The following STON1 variants were observed in gnomAD, a reference collection of about 807,000 sequenced individuals.
The protein encoded by STON1 is stonin 1.
STON1 carries 79 observed loss-of-function variants against 60.9 expected under a neutral mutation model. That is an observed-to-expected ratio of 1.30 (90% CI 1.08 to 1.56). STON1 has a LOEUF of 1.56. STON1 is among the 40% of genes most tolerant of loss of function. The pLI is 0.00. For synonymous variants in STON1, 363 were observed against 306.9 expected, an observed-to-expected ratio of 1.18 and a Z score of -1.91; for missense variants, 1,166 against 858.9, an observed-to-expected ratio of 1.36 and a Z score of -4.47.
Position 48,582,479 on chromosome 2 carries a change from C to G in STON1, c.1846C>G (p.Gln616Glu). 2.5e-6 allele frequency: 4 copies of G among 1,614,188 alleles called. No homozygotes were observed. The highest frequency in any genetic ancestry group is 2.2e-5 in the East Asian group (1 of 44,890). The stretch of plus-strand genomic sequence containing the variant: ...GGAACTTGAATCTGAACCTGTCATT[C>G]AAGTCACTGTGGGGTCAGCAAAATA... Reference protein sequence around the residue: ...LQELESEPVIQVTVGSAKYES... With the variant: ...LQELESEPVIEVTVGSAKYES... The change falls in exon 2 of 4, where the codon CAA (glutamine) becomes GAA (glutamate). Residue 616 changes from glutamine to glutamate, a missense_variant. Gln to Glu is a conservative substitution (Grantham distance 29). Transcript: ENST00000404752.
chr2:48,568,277 G>T (rs1011222800), intron 1 of STON1, among the ~76,000 whole-genome samples: 2 of 152,148 alleles, frequency 1.3e-5, no homozygotes, highest in Non-Finnish European at 2.9e-5. Flanking sequence ...ATTGGGGCGT[G>T]CTTTTCCCCA....
At chr2:48,593,797 A>G (rs1023342921) in intron 3 of STON1, among the ~76,000 whole-genome samples, 2 of 152,136 alleles carry the variant, frequency 1.3e-5, no homozygotes, top group African/African-American at 4.8e-5. Context: ...TTTATTTTGG[A>G]CTATCTGTTT....
At chr2:48,548,181 T>C (rs188895386) in intron 1 of STON1, among the ~76,000 whole-genome samples, 5 of 152,376 alleles carry the variant, frequency 3.3e-5, no homozygotes, top group African/African-American at 1.2e-4. Flanking sequence ...ACACAATTTT[T>C]ACAGGTAGTG....
intron 1 of STON1, among the ~76,000 whole-genome samples, chr2:48,578,514 C>G (rs1275967598): frequency 6.7e-6 from 1 of 149,234 alleles, no homozygotes; most frequent in East Asian, 2.0e-4. Context: ...TCTCCTCCTC[C>G]TTCTCCGCTT....
chr2:48,585,625 G>C (rs1674165265), intron 2 of STON1, among the ~76,000 whole-genome samples: 1 of 152,170 alleles, frequency 6.6e-6, no homozygotes, highest in Non-Finnish European at 1.5e-5. Flanking sequence ...CCAGTTTTAA[G>C]GTCTTCATAC....
intron 1 of STON1, among the ~76,000 whole-genome samples, chr2:48,554,647 G>A (rs1390108960): frequency 2.6e-5 from 4 of 151,938 alleles, no homozygotes; most frequent in Non-Finnish European, 5.9e-5. Flanking sequence ...GAAAATGTCA[G>A]TTGGCACATC....
At chr2:48,564,497 T>TCTCCTTCTC (rs1558605042) in intron 1 of STON1, among the ~76,000 whole-genome samples, 6 of 23,742 alleles carry the variant, frequency 2.5e-4, no homozygotes, top group Admixed American at 4.5e-4. Context: ...TTCTTCTTCT[T>TCTCCTTCTC]CTTCTTCTTC....
chr2:48,533,594 G>C (rs1347245087), intron 1 of STON1, among the ~76,000 whole-genome samples: 3 of 147,780 alleles, frequency 2.0e-5, no homozygotes, highest in African/African-American at 7.5e-5. Flanking sequence ...GGAGGCTGAA[G>C]CAGGTTGCAG....
chr2:48,561,400 G>T (rs374844520), intron 1 of STON1, among the ~76,000 whole-genome samples: 2 of 152,106 alleles, frequency 1.3e-5, no homozygotes, highest in Non-Finnish European at 2.9e-5. Flanking sequence ...ATACTATAGG[G>T]CAAAGTGCAG....
intron 1 of STON1, among the ~76,000 whole-genome samples, chr2:48,572,184 A>G (rs1006931760): frequency 1.3e-5 from 2 of 152,162 alleles, no homozygotes; most frequent in Admixed American, 6.5e-5. Context: ...AAAAGGATTA[A>G]TAAAGGAAGA....
chr2:48,569,364 T>A (rs1310869591), intron 1 of STON1, among the ~76,000 whole-genome samples: 1 of 152,228 alleles, frequency 6.6e-6, no homozygotes, highest in Non-Finnish European at 1.5e-5. Context: ...CATTTAAAAT[T>A]ATTCAATCAG....
At chr2:48,584,782 G>T (rs1283249544) in intron 2 of STON1, among the ~76,000 whole-genome samples, 1 of 152,154 alleles carries the variant, frequency 6.6e-6, no homozygotes, top group Non-Finnish European at 1.5e-5. Context: ...AGAAGAACAA[G>T]CCCCAGACTA....
At chr2:48,530,433 G>A (rs1671162194) in intron 1 of STON1, 1 of 219,604 alleles carries the variant, frequency 4.6e-6, no homozygotes, top group Non-Finnish European at 8.9e-6. Flanking sequence ...GGGACTCCTC[G>A]GCTCCCCTCT....
chr2:48,564,180 G>T (rs1325572480), intron 1 of STON1, among the ~76,000 whole-genome samples: 2 of 152,156 alleles, frequency 1.3e-5, no homozygotes, highest in African/African-American at 4.8e-5. Flanking sequence ...TAGAGAGATG[G>T]TATCTTCAAG....
chr2:48,564,519 C>A (rs1196856287), intron 1 of STON1, among the ~76,000 whole-genome samples: 2 of 36,802 alleles, frequency 5.4e-5, no homozygotes, highest in Admixed American at 3.0e-4. Context: ...TCTTCTTCTT[C>A]TTCTTCTTCT....
chr2:48,555,038 TG>T (rs1672264400), intron 1 of STON1, among the ~76,000 whole-genome samples: 1 of 57,584 alleles, frequency 1.7e-5, no homozygotes, highest in African/African-American at 7.0e-5. Flanking sequence ...AGCACAGGGT[TG>T]GGGGTAAGGT....
chr2:48,546,009 C>G (rs1160546749), intron 1 of STON1, among the ~76,000 whole-genome samples: 1 of 152,210 alleles, frequency 6.6e-6, no homozygotes, highest in Non-Finnish European at 1.5e-5. Context: ...TTCTTTCTCT[C>G]CTCTTATATT....
chr2:48,595,425 G>A lies in STON1; in HGVS notation c.*123G>A. 1.2e-6 allele frequency: 1 copy of A among 801,556 alleles called. No homozygotes were observed. The highest frequency in any genetic ancestry group is 2.8e-5 in the Admixed American group (1 of 35,424). The allele number at this position is 801,556 out of a possible 1,614,324, so 49.7% of individuals were successfully genotyped here. A position where few individuals can be genotyped will look rare whatever the true frequency, so the allele number is the denominator to read the frequency against. ...ATAGCGGTTTTAGGACAGGTCTGAT[G>A]GCTGTGTTTAGAGAAGTTTAGACCT... On this transcript the variant is annotated 3_prime_UTR_variant, in exon 4 of 4. Transcript: ENST00000404752.
intron 1 of STON1, among the ~76,000 whole-genome samples, chr2:48,550,018 C>T (rs1018842608): frequency 6.7e-6 from 1 of 150,254 alleles, no homozygotes; most frequent in Non-Finnish European, 1.5e-5. Flanking sequence ...AGACATGGGA[C>T]AGCAGGGCAG....
Sources: gnomAD v4.1 joint callset for allele counts (sites outside exome capture counted in the v4.1 genomes callset) on GRCh38, gnomAD v4.1.1 for gene constraint, MANE v1.5 for transcripts, NCBI Gene and HGNC (gene_info 2026-07-23, HGNC 2026-07-21) for gene names.